Variants in DAG1 observed in about 807,000 individuals in gnomAD.
DAG1 encodes the protein dystroglycan 1.
DAG1 carries 8 observed loss-of-function variants against 46.1 expected under a neutral mutation model. That is an observed-to-expected ratio of 0.17 (90% CI 0.10 to 0.31). The LOEUF (loss-of-function observed/expected upper bound fraction) is 0.31. DAG1 is among the 10% of genes least tolerant of loss of function. The pLI is 1.00. For synonymous variants in DAG1, 495 were observed against 481.8 expected, an observed-to-expected ratio of 1.03 and a Z score of -0.36; for missense variants, 1,003 against 1,189.9, an observed-to-expected ratio of 0.84 and a Z score of 2.31.
At chr3:49,481,017 TC>T (rs1281721072) in intron 1 of DAG1, among the ~76,000 whole-genome samples, 1 of 145,364 alleles carries the variant, frequency 6.9e-6, no homozygotes, top group Non-Finnish European at 1.5e-5. Flanking sequence ...CGCTTCGGCC[TC>T]CCAAAGTGCT....
At chr3:49,525,975 C>T (rs912004356) in intron 2 of DAG1, among the ~76,000 whole-genome samples, 2 of 152,014 alleles carry the variant, frequency 1.3e-5, no homozygotes, top group Non-Finnish European at 2.9e-5. Flanking sequence ...CTCAGCCTCT[C>T]GAGTAGCTGG....
At chr3:49,493,532 G>A (rs1016602949) in intron 1 of DAG1, among the ~76,000 whole-genome samples, 19 of 152,336 alleles carry the variant, frequency 1.2e-4, no homozygotes, top group African/African-American at 4.1e-4. Context: ...TAATCTGGGT[G>A]TAAATTCTGT....
rs376175488 is a variant in DAG1 at position 49,497,179 on chromosome 3, A to G, written c.-116-13240A>G. Among the ~76,000 whole-genome samples, 18 of 151,914 alleles carry G rather than the reference A, an allele frequency of 1.2e-4. No homozygotes were observed. The East Asian group carries it at 2.5e-3, about 21-fold the overall frequency. Reference sequence around the variant, plus strand: ...TGGCCGAGCATGATGGTTCACACCTATAATCCCAGCACTTTGGGAGGCCGA... The same window carrying G: ...TGGCCGAGCATGATGGTTCACACCTGTAATCCCAGCACTTTGGGAGGCCGA... On this transcript the variant is annotated intron_variant, in intron 1 of 2. Coordinates refer to ENST00000308775, the MANE Select transcript of DAG1 (RefSeq NM_004393.6).
At chr3:49,481,812 T>A (rs2049888304) in intron 1 of DAG1, among the ~76,000 whole-genome samples, 1 of 152,106 alleles carries the variant, frequency 6.6e-6, no homozygotes, top group Non-Finnish European at 1.5e-5. Flanking sequence ...GTATATGAGG[T>A]ATGAGAATCT....
intron 1 of DAG1, among the ~76,000 whole-genome samples, chr3:49,497,448 A>T (rs76692693): frequency 9.9e-6 from 1 of 101,332 alleles, no homozygotes; most frequent in Admixed American, 1.2e-4. Context: ...AAAAAAAAAA[A>T]AAAAAAAATT....
At chr3:49,506,306 C>T (rs2050606935) in intron 1 of DAG1, among the ~76,000 whole-genome samples, 1 of 152,196 alleles carries the variant, frequency 6.6e-6, no homozygotes, top group South Asian at 2.1e-4. Context: ...CTTTATTGCA[C>T]TAGCTAGAAC....
chr3:49,488,956 T>C (rs1269041318), intron 1 of DAG1, among the ~76,000 whole-genome samples: 1 of 152,180 alleles, frequency 6.6e-6, no homozygotes, highest in Non-Finnish European at 1.5e-5. Flanking sequence ...TTTATGTGTT[T>C]AGAGATATAC....
chr3:49,523,907 G>A (rs137870154), intron 2 of DAG1, among the ~76,000 whole-genome samples: 103 of 152,352 alleles, frequency 6.8e-4, no homozygotes, highest in African/African-American at 2.1e-3. Flanking sequence ...CGCAGTGAAA[G>A]ATGGGCCTTC....
intron 2 of DAG1, among the ~76,000 whole-genome samples, chr3:49,516,265 C>G (rs2050893491): frequency 1.3e-5 from 2 of 152,190 alleles, no homozygotes. Context: ...ATAGTAGGCC[C>G]TCAAATGTTT....
chr3:49,475,559 C>G (rs117755396), intron 1 of DAG1, among the ~76,000 whole-genome samples: 1 of 151,692 alleles, frequency 6.6e-6, no homozygotes, highest in Non-Finnish European at 1.5e-5. Flanking sequence ...TATGAGCCAC[C>G]GTGCCCAGCC....
chr3:49,507,489 G>A (rs2050635928), intron 1 of DAG1, among the ~76,000 whole-genome samples: 1 of 152,074 alleles, frequency 6.6e-6, no homozygotes, highest in Non-Finnish European at 1.5e-5. Context: ...TTTGAACCTG[G>A]GAGGCGGAGG....
chr3:49,475,107 C>T (rs1480740618), intron 1 of DAG1, among the ~76,000 whole-genome samples: 2 of 148,086 alleles, frequency 1.4e-5, no homozygotes, highest in South Asian at 2.1e-4. Flanking sequence ...CCACCGTGCC[C>T]GGTTTTTTTT....
chr3:49,533,325 GAC>G lies in DAG1; in HGVS notation c.*130_*131del. On this transcript the variant is annotated 3_prime_UTR_variant, in exon 3 of 3. Coordinates refer to ENST00000308775, the MANE Select transcript of DAG1 (RefSeq NM_004393.6). ...GCCGACACCTGACCTAGCACACACT[GAC>G]ACAGGGGCCTGGACAAGCCCGCCCT... 7.1e-7 allele frequency: 1 copy of G among 1,415,456 alleles called. No individual in the cohort carries two copies. Among genetic ancestry groups the G allele is most frequent in the Non-Finnish European group, 9.7e-7 (1 of 1,034,902 alleles). The allele number at this position is 1,415,456 out of a possible 1,614,324, so 87.7% of individuals were successfully genotyped here.
chr3:49,482,283 G>A (rs2049907937), intron 1 of DAG1, among the ~76,000 whole-genome samples: 2 of 152,254 alleles, frequency 1.3e-5, no homozygotes, highest in African/African-American at 2.4e-5. Flanking sequence ...ATATAGCCTC[G>A]TGGAATGAGA....
chr3:49,478,138 G>A (rs952605823), intron 1 of DAG1, among the ~76,000 whole-genome samples: 1 of 151,658 alleles, frequency 6.6e-6, no homozygotes, highest in African/African-American at 2.4e-5. Context: ...GTGGTGGTGT[G>A]CGCCTGTAAT....
intron 1 of DAG1, among the ~76,000 whole-genome samples, chr3:49,506,970 A>G (rs1359305037): frequency 2.0e-5 from 3 of 151,978 alleles, no homozygotes; most frequent in Non-Finnish European, 4.4e-5. Context: ...TGAAAAAAAA[A>G]AAAGAAAAAT....
rs191502801 is a variant in DAG1, at chr3:49,499,864, C to T, written c.-116-10555C>T. On this transcript the variant is annotated intron_variant, in intron 1 of 2. Transcript: ENST00000308775. ...GATTTCCTAGTTATATCCCTGATGACTGATCTGATAAACTTTAAATATACC... is the reference window on the plus strand; with the variant it reads ...GATTTCCTAGTTATATCCCTGATGATTGATCTGATAAACTTTAAATATACC... Among the ~76,000 whole-genome samples the T allele has an allele frequency of 6.8e-3, 1,041 of 152,144 alleles. 13 individuals are homozygous for T. The highest frequency in any genetic ancestry group is 1.0e-2 in the Non-Finnish European group (677 of 68,000).
chr3:49,517,034 C>T (rs2050917279), intron 2 of DAG1, among the ~76,000 whole-genome samples: 1 of 149,672 alleles, frequency 6.7e-6, no homozygotes, highest in African/African-American at 2.5e-5. Flanking sequence ...CGCTCTGTCG[C>T]CCAGGCTGGA....
At chr3:49,525,687 T>G (rs1030697230) in intron 2 of DAG1, among the ~76,000 whole-genome samples, 5 of 149,638 alleles carry the variant, frequency 3.3e-5, no homozygotes, top group African/African-American at 1.2e-4. Context: ...GCCTCCCGAG[T>G]AGCTGGGACT....
Sources: gnomAD v4.1 joint callset for allele counts (sites outside exome capture counted in the v4.1 genomes callset) on GRCh38, gnomAD v4.1.1 for gene constraint, MANE v1.5 for transcripts, NCBI Gene and HGNC (gene_info 2026-07-23, HGNC 2026-07-21) for gene names.